KCNH5: variants seen among roughly 807,000 people sequenced by gnomAD.
KCNH5 encodes voltage-gated delayed rectifier potassium channel KCNH5.
A neutral mutation model predicts 96.1 loss-of-function variants in KCNH5; 46 were observed. The observed-to-expected ratio is 0.48, with a 90% confidence interval of 0.38 to 0.61. The LOEUF is 0.61. Among genes scored for constraint, KCNH5 ranks in the 20% least tolerant of loss-of-function variants. KCNH5 has a pLI of 0.00. For missense variants in KCNH5, 907 were observed against 1,225.8 expected (o/e 0.74, Z 3.88); for synonymous variants, 439 against 449.8 (o/e 0.98, Z 0.30).
At chr14:63,010,235 T>C (rs1325447616) in intron 2 of KCNH5, among the ~76,000 whole-genome samples, 6 of 152,166 alleles carry the variant, frequency 3.9e-5, no homozygotes, top group Non-Finnish European at 7.4e-5. Context: ...CTCTGACCCA[T>C]AGTTTCATCA....
chr14:62,835,446 C>T (rs1887445460), intron 8 of KCNH5, among the ~76,000 whole-genome samples: 2 of 152,060 alleles, frequency 1.3e-5, no homozygotes, highest in South Asian at 4.1e-4. Context: ...AACAAGTACA[C>T]ATCTAAGTTC....
At chr14:63,001,293 G>C in intron 4 of KCNH5, 38 bp downstream of exon 4, 1 of 1,551,728 alleles carries the variant, frequency 6.4e-7, no homozygotes, top group South Asian at 1.2e-5. Flanking sequence ...TTTAGCAACA[G>C]CCTAATTTTT....
intron 7 of KCNH5, among the ~76,000 whole-genome samples, chr14:62,870,872 G>C (rs1434037066): frequency 6.6e-6 from 1 of 152,150 alleles, no homozygotes; most frequent in East Asian, 1.9e-4. Flanking sequence ...GCTTGTTCAA[G>C]GTCAAACCGC....
In KCNH5 at chr14:62,706,749, G is replaced by C. The variant is rs1033902887; in HGVS notation, c.*759C>G. The C allele has an allele frequency of 1.3e-5, 2 of 152,084 alleles. No individual in the cohort carries two copies. The highest frequency in any genetic ancestry group is 4.8e-5 in the African/African-American group (2 of 41,440). 9.4% of individuals were successfully genotyped at this position (152,084 alleles called of 1,614,324 possible). A position where few individuals can be genotyped will look rare whatever the true frequency, so the allele number is the denominator to read the frequency against. On this transcript the variant is annotated 3_prime_UTR_variant, in exon 11 of 11. Transcript: ENST00000322893. The stretch of plus-strand genomic sequence containing the variant: ...TATAATAACATACTCTATATTAATA[G>C]TTTAGTATTTATGATGTTGATAATG...
chr14:62,779,855 C>T lies in KCNH5; in HGVS notation c.1892G>A (p.Arg631Gln), dbSNP rs970741080. 6.2e-6 allele frequency: 10 copies of T among 1,613,712 alleles called. No individual in the cohort carries two copies. The East Asian group carries it at 8.9e-5, about 14-fold the overall frequency. The change falls in exon 10 of 11, where the codon CGG (arginine) becomes CAG (glutamine). Residue 631 changes from arginine to glutamine, a missense_variant. This residue lies in a region of KCNH5 where 57 missense variants were observed against 76.0 expected (regional missense o/e 0.75). Coordinates refer to ENST00000322893, the MANE Select transcript of KCNH5 (RefSeq NM_139318.5). ...GTGTAGGTCACAGTACGTCAGTGCC[C>T]GGACGTTCGCACATGCATGGGCAAG... is the stretch of plus-strand genomic sequence containing the variant. ...TTLAHACANV[R>Q]ALTYCDLHII...
Position 62,908,521 on chromosome 14 carries a change from C to T in KCNH5, c.1369+41612G>A, listed in dbSNP as rs541640367. On this transcript the variant is annotated intron_variant, in intron 7 of 10. Transcript: ENST00000322893. ...ACTTAGAGGAAGAATCCTCAGTAAA[C>T]CTCAAATTCAGGGAAACTATTAGGA... is the stretch of plus-strand genomic sequence containing the variant. 3.9e-5 allele frequency among the ~76,000 whole-genome samples: 6 copies of T among 152,212 alleles called. No individual in the cohort carries two copies. The East Asian group carries it at 9.7e-4, about 24-fold the overall frequency.
intron 8 of KCNH5, among the ~76,000 whole-genome samples, chr14:62,826,407 CATGTGT>C (rs1887226733): frequency 1.9e-5 from 1 of 53,742 alleles, no homozygotes; most frequent in Admixed American, 1.9e-4. Flanking sequence ...TGCGTGCGTG[CATGTGT>C]GTGTGTGTGT....
intron 6 of KCNH5, among the ~76,000 whole-genome samples, chr14:62,967,582 C>T (rs1255786043): frequency 6.6e-6 from 1 of 152,020 alleles, no homozygotes; most frequent in Non-Finnish European, 1.5e-5. Context: ...CAAACATATT[C>T]TTTATAAGTT....
intron 10 of KCNH5, among the ~76,000 whole-genome samples, chr14:62,722,596 G>A (rs1884838313): frequency 6.6e-6 from 1 of 152,160 alleles, no homozygotes; most frequent in African/African-American, 2.4e-5. Flanking sequence ...ACTTACTCAT[G>A]AATCACTAAA....
At chr14:62,914,854 C>A (rs776626488) in intron 7 of KCNH5, among the ~76,000 whole-genome samples, 1 of 152,216 alleles carries the variant, frequency 6.6e-6, no homozygotes, top group Admixed American at 6.5e-5. Flanking sequence ...ACATGCCGAA[C>A]GTGCATACCT....
intron 1 of KCNH5, among the ~76,000 whole-genome samples, chr14:63,039,182 C>A (rs1325705244): frequency 3.3e-5 from 5 of 151,788 alleles, no homozygotes; most frequent in Non-Finnish European, 4.4e-5. Context: ...GGTTTCTAAC[C>A]CACCAAAAAG....
chr14:62,958,006 G>A (rs531324998), intron 6 of KCNH5, among the ~76,000 whole-genome samples: 1 of 152,178 alleles, frequency 6.6e-6, no homozygotes, highest in African/African-American at 2.4e-5. Flanking sequence ...TGTAAGAAAA[G>A]TGCATATGTT....
chr14:62,721,167 T>A (rs1200963192), intron 10 of KCNH5, among the ~76,000 whole-genome samples: 1 of 151,632 alleles, frequency 6.6e-6, no homozygotes, highest in East Asian at 1.9e-4. Flanking sequence ...TCTTTGTCCG[T>A]ATTTCTCTAT....
At chr14:62,811,634 T>A (rs1886875203) in intron 8 of KCNH5, among the ~76,000 whole-genome samples, 1 of 152,152 alleles carries the variant, frequency 6.6e-6, no homozygotes, top group Non-Finnish European at 1.5e-5. Flanking sequence ...TTGTTGTTTT[T>A]AAATAATAAC....
At chr14:63,008,204 G>A (rs1194563880) in intron 2 of KCNH5, among the ~76,000 whole-genome samples, 1 of 152,028 alleles carries the variant, frequency 6.6e-6, no homozygotes, top group Admixed American at 6.6e-5. Flanking sequence ...AAGTGTGGTG[G>A]AGGCTGAAGC....
intron 8 of KCNH5, among the ~76,000 whole-genome samples, chr14:62,828,968 A>G (rs1465478083): frequency 6.6e-6 from 1 of 152,038 alleles, no homozygotes; most frequent in African/African-American, 2.4e-5. Context: ...AAATGCTCCC[A>G]CTCCAAAAAG....
intron 7 of KCNH5, among the ~76,000 whole-genome samples, chr14:62,931,300 A>T (rs10483762): frequency 6.6e-6 from 1 of 151,858 alleles, no homozygotes; most frequent in Non-Finnish European, 1.5e-5. Flanking sequence ...GCAATGGGAA[A>T]GTTTTGATCA....
Position 62,760,447 on chromosome 14 carries a change from CTCT to C in KCNH5, c.2019+19278_2019+19280del, listed in dbSNP as rs1216782241. 5.3e-5 allele frequency among the ~76,000 whole-genome samples: 8 copies of C among 152,258 alleles called. No individual in the cohort carries two copies. In the East Asian group the frequency reaches 1.5e-3, roughly 29 times the overall value. The stretch of plus-strand genomic sequence containing the variant: ...TGTGCTATCATTAGGGGAAATCGGC[CTCT>C]TCTTATGTGCAGAATTAGCAATTTT... On this transcript the variant is annotated intron_variant, in intron 10 of 10. Transcript: ENST00000322893.
At chr14:62,997,281 T>G (rs1890922075) in intron 4 of KCNH5, among the ~76,000 whole-genome samples, 1 of 152,014 alleles carries the variant, frequency 6.6e-6, no homozygotes, top group Admixed American at 6.6e-5. Context: ...GGAAGGGTAG[T>G]TGGGGAGTAA....
Sources: allele counts gnomAD v4.1 joint callset (sites outside exome capture counted in the v4.1 genomes callset), GRCh38; gene constraint gnomAD v4.1.1; regional missense constraint gnomAD v4.1.1; transcripts MANE v1.5; gene names NCBI Gene and HGNC (gene_info 2026-07-23, HGNC 2026-07-21).